CSE1L: variants seen among roughly 807,000 people sequenced by gnomAD.
CSE1L encodes exportin-2.
Under a neutral mutation model 120.4 loss-of-function variants are expected in CSE1L, and 24 were observed. That is an observed-to-expected ratio of 0.20 (90% CI 0.14 to 0.28). The LOEUF (loss-of-function observed/expected upper bound fraction) is 0.28. Among genes scored for constraint, CSE1L ranks in the 10% least tolerant of loss-of-function variants. The pLI, the probability that CSE1L is intolerant of heterozygous loss-of-function variation, is 1.00. For missense variants in CSE1L, 830 were observed against 1,145.2 expected (o/e 0.72, Z 3.97); for synonymous variants, 402 against 398.3 (o/e 1.01, Z -0.11).
chr20:49,047,559 C>CTTTTTTTTTTTTTT (rs1568757225), intron 1 of CSE1L, among the ~76,000 whole-genome samples: 2 of 61,084 alleles, frequency 3.3e-5, no homozygotes, highest in African/African-American at 6.7e-5. Context: ...TTTCTTTTCT[C>CTTTTTTTTTTTTTT]TTTTCTTTTT....
intron 3 of CSE1L, among the ~76,000 whole-genome samples, chr20:49,065,698 A>G (rs1169184921): frequency 4.7e-5 from 7 of 148,288 alleles, no homozygotes; most frequent in South Asian, 2.2e-4. Context: ...GGTTCAAGCA[A>G]TTCTCCTGCT....
At chr20:49,056,657 T>A (rs1238590286) in intron 1 of CSE1L, among the ~76,000 whole-genome samples, 2 of 151,582 alleles carry the variant, frequency 1.3e-5, no homozygotes, top group African/African-American at 4.9e-5. Context: ...CATGCACATC[T>A]GACACTTGTA....
In CSE1L at chr20:49,065,586, A is replaced by ATTTTTTTTTTT. The variant is rs1169151375; in HGVS notation, c.229-590_229-580dup. ...CCATCGCACCTGGCCTAAAATGGAA[A>ATTTTTTTTTTT]TTTTTTTTTTTTTTTTTTTTTTTTT... On this transcript the variant is annotated intron_variant, in intron 3 of 24. Transcript: ENST00000262982. Among the ~76,000 whole-genome samples, 306 of 76,334 alleles carry ATTTTTTTTTTT rather than the reference A, an allele frequency of 4.0e-3. 34 individuals carry two copies. The highest frequency in any genetic ancestry group is 0.02 in the South Asian group (40 of 1,970). The allele number at this position is 76,334 out of a possible 152,430, so 50.1% of individuals were successfully genotyped here.
intron 19 of CSE1L, among the ~76,000 whole-genome samples, chr20:49,089,950 C>G (rs781643059): frequency 1.3e-5 from 2 of 151,856 alleles, no homozygotes; most frequent in Non-Finnish European, 1.5e-5. Flanking sequence ...AGATCTATCT[C>G]TACAAAGGAA....
chr20:49,087,995 T>G lies in CSE1L; in HGVS notation c.1724-14T>G. On this transcript the variant is annotated splice_polypyrimidine_tract_variant and intron_variant, in intron 16 of 24. Coordinates refer to ENST00000262982, the MANE Select transcript of CSE1L (RefSeq NM_001316.4). Reference sequence around the variant, plus strand: ...CTAAACTCTATTTGTTTTTGCTGTTTTTGTATTTTACAGCTATCATGAGAA... The same window carrying G: ...CTAAACTCTATTTGTTTTTGCTGTTGTTGTATTTTACAGCTATCATGAGAA... 6.4e-7 allele frequency: 1 copy of G among 1,552,030 alleles called. No individual in the cohort carries two copies. The highest frequency in any genetic ancestry group is 8.8e-7 in the Non-Finnish European group (1 of 1,136,658).
chr20:49,085,483 C>T, intron 16 of CSE1L, 97 bp downstream of exon 16: 1 of 705,148 alleles, frequency 1.4e-6, no homozygotes, highest in Non-Finnish European at 2.3e-6. Context: ...AGTCTATGAA[C>T]CAGATAATGT....
At chr20:49,058,810 G>A (rs1001057121) in intron 2 of CSE1L, among the ~76,000 whole-genome samples, 2 of 152,064 alleles carry the variant, frequency 1.3e-5, no homozygotes, top group African/African-American at 2.4e-5. Context: ...CTTTGTCTTT[G>A]ACCTTTTCCA....
chr20:49,081,592 TAAGCATCTTTCCACTTGAAGGG>T (rs564946940), intron 14 of CSE1L, among the ~76,000 whole-genome samples: 28 of 152,372 alleles, frequency 1.8e-4, no homozygotes, highest in African/African-American at 6.5e-4. Flanking sequence ...TGAGTTCAGT[TAAGCATCTTTCCACTTGAAGGG>T]TCCATTTTCA....
chr20:49,092,056 C>G lies in CSE1L; in HGVS notation c.2376C>G (p.Val792=). 6.4e-7 allele frequency: 1 copy of G among 1,559,966 alleles called. No homozygotes were observed. Among genetic ancestry groups the G allele is most frequent in the Non-Finnish European group, 8.8e-7 (1 of 1,136,762 alleles). The part of the protein sequence containing the change: ...KTTKFIKSFL[V]FINLYCIKYG... ...ATCTTCTTTCAACAGGTTTTTTAGT[C>G]TTTATTAATTTGTATTGCATAAAAT... Residue 792 remains valine (V), a synonymous_variant, in exon 22 of 25, where the codon GTC becomes GTG. Coordinates refer to ENST00000262982, the MANE Select transcript of CSE1L (RefSeq NM_001316.4).
chr20:49,066,819 A>G (rs923939466), intron 5 of CSE1L, among the ~76,000 whole-genome samples: 2 of 152,200 alleles, frequency 1.3e-5, no homozygotes, highest in African/African-American at 4.8e-5. Flanking sequence ...ACCTGAGGTC[A>G]GGAGTTTGAG....
At chr20:49,057,286 T>A (rs1161040686) in intron 1 of CSE1L, among the ~76,000 whole-genome samples, 1 of 152,202 alleles carries the variant, frequency 6.6e-6, no homozygotes, top group East Asian at 1.9e-4. Flanking sequence ...TAATCTTAGC[T>A]GTCATCTTCT....
At chr20:49,053,159 T>C (rs1007983840) in intron 1 of CSE1L, among the ~76,000 whole-genome samples, 9 of 148,542 alleles carry the variant, frequency 6.1e-5, no homozygotes, top group East Asian at 2.0e-4. Flanking sequence ...TTTTTTTTTT[T>C]TTTTTTTTTT....
chr20:49,085,206 A>T (rs1470857833), intron 15 of CSE1L, 77 bp from the exon 16 acceptor site: 3 of 1,011,282 alleles, frequency 3.0e-6, no homozygotes, highest in Non-Finnish European at 4.7e-6. Flanking sequence ...GAAGGGTGAC[A>T]TAGTGGTTGC....
At chr20:49,079,703 G>A (rs1012687805) in intron 14 of CSE1L, among the ~76,000 whole-genome samples, 6 of 152,016 alleles carry the variant, frequency 3.9e-5, no homozygotes, top group Non-Finnish European at 5.9e-5. Context: ...TTGGGCCTGC[G>A]GAATCCTCAT....
At chr20:49,089,172 C>T in intron 17 of CSE1L, 75 bp from the exon 18 acceptor site, 2 of 1,182,858 alleles carry the variant, frequency 1.7e-6, no homozygotes, top group Non-Finnish European at 2.3e-6. Flanking sequence ...ATAAGATGGC[C>T]TCTATTTTAA....
At chr20:49,048,344 G>GT (rs1301788198) in intron 1 of CSE1L, among the ~76,000 whole-genome samples, 13 of 151,920 alleles carry the variant, frequency 8.6e-5, no homozygotes, top group African/African-American at 3.1e-4. Flanking sequence ...GAATTAATTT[G>GT]TTTCTTTATT....
At chr20:49,065,409 G>A (rs2091884680) in intron 3 of CSE1L, among the ~76,000 whole-genome samples, 1 of 127,604 alleles carries the variant, frequency 7.8e-6, no homozygotes, top group Admixed American at 1.0e-4. Flanking sequence ...TGCAGCCTCT[G>A]CCTCTCAGGT....
At chr20:49,069,175 A>G (rs2091914734) in intron 7 of CSE1L, among the ~76,000 whole-genome samples, 1 of 152,118 alleles carries the variant, frequency 6.6e-6, no homozygotes, top group African/African-American at 2.4e-5. Flanking sequence ...TTGGGGAATC[A>G]TGTTTTGGTT....
rs1042915018 is a variant in CSE1L at position 49,046,443 on chromosome 20, C to G, written c.-12+20C>G. ...CACGAGGTGAGGCGCGGGGCGTGCA[C>G]GGCCTACCAGAGTGGCTCTTGGGGC... On this transcript the variant is annotated intron_variant, in intron 1 of 24. Transcript: ENST00000262982. 1 of 152,322 alleles carries G rather than the reference C, an allele frequency of 6.6e-6. No homozygotes were observed. Among genetic ancestry groups the G allele is most frequent in the Non-Finnish European group, 1.5e-5 (1 of 68,130 alleles). 9.4% of individuals were successfully genotyped at this position (152,322 alleles called of 1,614,324 possible). A position where few individuals can be genotyped will look rare whatever the true frequency, so the allele number is the denominator to read the frequency against.
Sources: allele counts gnomAD v4.1 joint callset (sites outside exome capture counted in the v4.1 genomes callset), GRCh38; gene constraint gnomAD v4.1.1; transcripts MANE v1.5; gene names NCBI Gene and HGNC (gene_info 2026-07-23, HGNC 2026-07-21).